Variants in PSD4 observed in about 807,000 individuals in gnomAD.
The protein encoded by PSD4 is pleckstrin and Sec7 domain containing 4.
In PSD4, 59 loss-of-function variants were observed where a neutral mutation model predicts 112.5. The observed-to-expected ratio is 0.52, with a 90% CI of 0.43 to 0.65. PSD4 has a LOEUF of 0.65. Ranked by LOEUF, PSD4 falls within the 30% of genes least tolerant of loss-of-function variation. The pLI is 0.00. For synonymous variants in PSD4, 533 were observed against 540.0 expected, an observed-to-expected ratio of 0.99 and a Z score of 0.18; for missense variants, 1,267 against 1,352.6, an observed-to-expected ratio of 0.94 and a Z score of 0.99.
At chr2:113,199,022 G>T in intron 15 of PSD4, 61 bp from the exon 16 acceptor site, 1 of 1,510,672 alleles carries the variant, frequency 6.6e-7, no homozygotes, top group South Asian at 1.2e-5. Flanking sequence ...GGCGCGCCCG[G>T]GCCCGGAAAG....
At chr2:113,196,950 C>T (rs976675788) in intron 12 of PSD4, among the ~76,000 whole-genome samples, 4 of 152,258 alleles carry the variant, frequency 2.6e-5, no homozygotes, top group Non-Finnish European at 5.9e-5. Context: ...GACTAATGTG[C>T]AAGCACAGAT....
At chr2:113,191,310 C>G (rs971213341) in intron 5 of PSD4, among the ~76,000 whole-genome samples, 1 of 152,174 alleles carries the variant, frequency 6.6e-6, no homozygotes, top group African/African-American at 2.4e-5. Context: ...GCATCTTGCT[C>G]TGTTGCCCAG....
Position 113,192,565 on chromosome 2 carries a change from A to C in PSD4, c.1814A>C (p.Glu605Ala). ...LYRLEGFRKS[E>A]VAAYLQKNND... ...CGCCTGGAGGGCTTCCGGAAGTCTG[A>C]AGTGGCTGCCTACCTGCAGAAGAAG... Residue 605 changes from glutamate to alanine, a missense_variant, in exon 6 of 17, where the codon GAA becomes GCA. Physicochemically the swap from Glu to Ala is moderately radical, Grantham distance 107. Coordinates refer to ENST00000245796, the MANE Select transcript of PSD4 (RefSeq NM_012455.3). The C allele has an allele frequency of 1.9e-6, 3 of 1,614,122 alleles. No homozygotes were observed. Among genetic ancestry groups the C allele is most frequent in the Non-Finnish European group, 2.5e-6 (3 of 1,179,990 alleles).
Position 113,181,063 on chromosome 2 carries a change from C to CAA in PSD4, c.-111-1269_-111-1268dup, listed in dbSNP as rs10566378. The stretch of plus-strand genomic sequence containing the variant: ...TGAAACCCCATCTCTACTAGAAATA[C>CAA]AAAAAAAAAAAAAAATTAGCAGAGC... On this transcript the variant is annotated intron_variant, in intron 1 of 16. Coordinates refer to ENST00000245796, the MANE Select transcript of PSD4 (RefSeq NM_012455.3). 2.6e-3 allele frequency among the ~76,000 whole-genome samples: 374 copies of CAA among 141,850 alleles called. 3 individuals carry two copies. The highest frequency in any genetic ancestry group is 9.3e-3 in the African/African-American group (364 of 39,200). The allele number at this position is 141,850 out of a possible 152,430, so 93.1% of individuals were successfully genotyped here. A position where few individuals can be genotyped will look rare whatever the true frequency, so the allele number is the denominator to read the frequency against.
intron 1 of PSD4, among the ~76,000 whole-genome samples, chr2:113,176,534 C>G (rs1687986230): frequency 6.6e-6 from 1 of 152,164 alleles, no homozygotes; most frequent in Admixed American, 6.5e-5. Flanking sequence ...CACCTCGGCT[C>G]CCTCCCCTCT....
rs1688816434 is a variant in PSD4 at position 113,203,227 on chromosome 2, T to C, written c.*1812T>C. On this transcript the variant is annotated 3_prime_UTR_variant, in exon 17 of 17. Transcript: ENST00000245796. ...TGAATTAAACATGTCCCTGACTCCA[T>C]GAGTTGACAATCTTGCCCACTGGTT... is the stretch of plus-strand genomic sequence containing the variant. 6.6e-6 allele frequency: 1 copy of C among 152,264 alleles called. No homozygotes were observed. The highest frequency in any genetic ancestry group is 6.5e-5 in the Admixed American group (1 of 15,286). The allele number at this position is 152,264 out of a possible 1,614,324, so 9.4% of individuals were successfully genotyped here. A position where few individuals can be genotyped will look rare whatever the true frequency, so the allele number is the denominator to read the frequency against.
At chr2:113,193,731 C>A in intron 9 of PSD4, 81 bp downstream of exon 9, 1 of 1,562,458 alleles carries the variant, frequency 6.4e-7, no homozygotes, top group Non-Finnish European at 8.8e-7. Flanking sequence ...GGCCTGAGAC[C>A]GGGCAGGGAA....
chr2:113,192,410 T>C lies in PSD4; in HGVS notation c.1659T>C (p.Ser553=). 1 of 1,614,210 alleles carries C rather than the reference T, an allele frequency of 6.2e-7. No individual in the cohort carries two copies. Among genetic ancestry groups the C allele is most frequent in the East Asian group, 2.2e-5 (1 of 44,874 alleles). ...ATCTGAGGACACCGATGAACTCTTC[T>C]TGGCTTCCTGGGAGCCCTATGCCCC... ...HENLRTPMNS[S]WLPGSPMPQA... The change falls in exon 6 of 17, where the codon TCT becomes TCC. Residue 553 remains serine (S), a synonymous_variant. Transcript: ENST00000245796.
At chr2:113,198,623 T>C (rs1269191754) in intron 14 of PSD4, 117 bp from the exon 15 acceptor site, 9 of 1,255,776 alleles carry the variant, frequency 7.2e-6, no homozygotes, top group Non-Finnish European at 9.6e-6. Context: ...GCTGTAACTA[T>C]GGGAGGCTGA....
intron 1 of PSD4, among the ~76,000 whole-genome samples, chr2:113,176,599 A>T (rs13382259): frequency 0.076 from 11,548 of 152,242 alleles, 617 homozygotes; most frequent in African/African-American, 0.15. Context: ...CTGAAGGGCC[A>T]CTTTAATGTA....
chr2:113,177,681 C>G (rs1347682117), intron 1 of PSD4, among the ~76,000 whole-genome samples: 1 of 130,392 alleles, frequency 7.7e-6, no homozygotes, highest in Non-Finnish European at 1.5e-5. Context: ...AAAGTATGCC[C>G]CCAGACCTTG....
At chr2:113,175,173 A>AG (rs1003633134) in intron 1 of PSD4, 1 of 152,502 alleles carries the variant, frequency 6.6e-6, no homozygotes, top group African/African-American at 2.4e-5. Context: ...CCAGCCCCCT[A>AG]GGGGTCTTTG....
At chr2:113,188,607 G>T (rs1390239340) in intron 5 of PSD4, among the ~76,000 whole-genome samples, 2 of 150,602 alleles carry the variant, frequency 1.3e-5, no homozygotes, top group Non-Finnish European at 3.0e-5. Context: ...TTGAGATGGA[G>T]TCTCACTCTG....
intron 5 of PSD4, 42 bp downstream of exon 5, chr2:113,186,297 A>G: frequency 6.6e-7 from 1 of 1,518,140 alleles, no homozygotes; most frequent in Non-Finnish European, 8.8e-7. Context: ...CTAATTATGG[A>G]TGCATTTAAG....
At chr2:113,178,867 C>T (rs1411661267) in intron 1 of PSD4, among the ~76,000 whole-genome samples, 1 of 151,972 alleles carries the variant, frequency 6.6e-6, no homozygotes, top group Non-Finnish European at 1.5e-5. Context: ...CTATTTGGGC[C>T]CAAAGACCAG....
chr2:113,197,385 A>G (rs1357897804), intron 12 of PSD4, 179 bp from the exon 13 acceptor site: 1 of 689,542 alleles, frequency 1.5e-6, no homozygotes, highest in Non-Finnish European at 2.6e-6. Context: ...GAGACTCTAT[A>G]TGTTTGTTTA....
chr2:113,195,746 G>A lies in PSD4; in HGVS notation c.2201G>A (p.Arg734His), dbSNP rs754862185. 6.1e-5 allele frequency: 98 copies of A among 1,614,020 alleles called. No individual in the cohort carries two copies. The highest frequency in any genetic ancestry group is 4.0e-4 in the East Asian group (18 of 44,878). Residue 734 changes from arginine to histidine, a missense_variant, in exon 11 of 17, where the codon CGC (arginine) becomes CAC (histidine). This residue lies in a region of PSD4 where 544 missense variants were observed against 648.6 expected (regional missense o/e 0.84). Transcript: ENST00000245796. ...ELLKALYWSI[R>H]SEKLEWAVDE... is the part of the protein sequence containing the mutation. Reference sequence around the variant, plus strand: ...TTCCAGGCCCTCTACTGGTCTATCCGCAGCGAGAAGCTCGAGTGGGCCGTG... The same window carrying A: ...TTCCAGGCCCTCTACTGGTCTATCCACAGCGAGAAGCTCGAGTGGGCCGTG...
rs751889909 is a variant in PSD4, at chr2:113,201,378, G to A, written c.3134G>A (p.Arg1045Gln). 36 of 1,613,966 alleles carry A rather than the reference G, an allele frequency of 2.2e-5. No individual in the cohort carries two copies. The highest frequency in any genetic ancestry group is 1.6e-4 in the Middle Eastern group (1 of 6,084). Residue 1045 changes from arginine to glutamine, a missense_variant, in exon 17 of 17, where the codon CGG becomes CAG. Around this residue, in one of 2 missense-constraint regions of PSD4, gnomAD observed 544 missense variants for 648.6 expected, o/e 0.84. Transcript: ENST00000245796. ...KRNISERRTY[R>Q]KIIPKRNRNQ... ...AACATCTCAGAGCGCAGAACCTACCGGAAGATCATCCCTAAGCGGAACCGC... is the reference window on the plus strand; with the variant it reads ...AACATCTCAGAGCGCAGAACCTACCAGAAGATCATCCCTAAGCGGAACCGC...
At chr2:113,178,229 C>T (rs550341128) in intron 1 of PSD4, among the ~76,000 whole-genome samples, 18 of 152,012 alleles carry the variant, frequency 1.2e-4, no homozygotes, top group African/African-American at 3.9e-4. Flanking sequence ...AAAAAAATGT[C>T]GCAGCCAGTC....
Sources: gnomAD v4.1 joint callset for allele counts (sites outside exome capture counted in the v4.1 genomes callset) on GRCh38, gnomAD v4.1.1 for gene constraint, gnomAD v4.1.1 regional missense constraint, MANE v1.5 for transcripts, NCBI Gene and HGNC (gene_info 2026-07-23, HGNC 2026-07-21) for gene names.